Variants in TAFA5 observed in about 807,000 individuals in gnomAD.
TAFA5 encodes the protein chemokine-like protein TAFA-5.
Under a neutral mutation model 15.3 loss-of-function variants are expected in TAFA5, and 6 were observed. The observed-to-expected ratio is 0.39, with a 90% CI of 0.21 to 0.77. The LOEUF (loss-of-function observed/expected upper bound fraction) is 0.77. Ranked by LOEUF, TAFA5 falls within the 30% of genes least tolerant of loss-of-function variation. The pLI is 0.41. For synonymous variants in TAFA5, 103 were observed against 80.7 expected (o/e 1.28, Z -1.48); for missense variants, 161 against 193.1 (o/e 0.83, Z 0.98).
At chr22:48,716,436 C>T (rs576548843) in intron 3 of TAFA5, among the ~76,000 whole-genome samples, 39 of 152,318 alleles carry the variant, frequency 2.6e-4, no homozygotes, top group African/African-American at 8.7e-4. Context: ...CCGAACACCA[C>T]GTGTTCTCAC....
At position 48,608,311 on chromosome 22, in the gene TAFA5, C is replaced by T. The variant is rs185885818; in HGVS notation, c.113-38286C>T. 2.2e-4 allele frequency among the ~76,000 whole-genome samples: 33 copies of T among 152,358 alleles called. No homozygotes were observed. In the East Asian group the frequency reaches 5.2e-3, roughly 24 times the overall value. ...GCTATCCAGCACCGTAGCCATCAGC[C>T]ATATTCACGATACCTCCTTCCAGTC... On this transcript the variant is annotated intron_variant, in intron 1 of 3. Transcript: ENST00000402357.
At chr22:48,562,373 C>T (rs536156713) in intron 1 of TAFA5, among the ~76,000 whole-genome samples, 9 of 152,172 alleles carry the variant, frequency 5.9e-5, no homozygotes, top group African/African-American at 1.2e-4. Context: ...CTCCTGACCT[C>T]GCGATCTGCC....
chr22:48,604,864 T>C (rs1023302953), intron 1 of TAFA5, among the ~76,000 whole-genome samples: 1 of 152,078 alleles, frequency 6.6e-6, no homozygotes, highest in African/African-American at 2.4e-5. Context: ...TCTGGGCTTG[T>C]TGCAGAGTGC....
rs17713079 is a variant in TAFA5 at position 48,560,043 on chromosome 22, G to A, written c.112+70339G>A. On this transcript the variant is annotated intron_variant, in intron 1 of 3. Transcript: ENST00000402357. The surrounding 1 kb of genome is among the most constrained non-coding windows in gnomAD (Gnocchi z 4.2). ...TGCAGGGTCTTCTTTCTATGCACAC[G>A]CCGGCCATCCTCCATCAGGCAGCTG... is the stretch of plus-strand genomic sequence containing the variant. 0.086 allele frequency among the ~76,000 whole-genome samples: 13,027 copies of A among 152,222 alleles called. 584 individuals are homozygous for A. The highest frequency in any genetic ancestry group is 0.15 in the Middle Eastern group (43 of 292).
rs1928115622 is a variant in TAFA5, at chr22:48,490,597, TG to T, written c.112+898del. On this transcript the variant is annotated intron_variant, in intron 1 of 3. Coordinates refer to ENST00000402357, the MANE Select transcript of TAFA5 (RefSeq NM_001082967.3). This position sits in a 1 kb window ranked among gnomAD's most constrained non-coding sequence, Gnocchi z 5.8. ...GCACGTTCGCGGCTGGTGGGGTAAG[TG>T]GGGGCCGCTCAGCGTCCCGGGCACA... Among the ~76,000 whole-genome samples the T allele has an allele frequency of 6.7e-6, 1 of 150,216 alleles. No individual in the cohort carries two copies. Among genetic ancestry groups the T allele is most frequent in the Admixed American group, 6.6e-5 (1 of 15,130 alleles).
Position 48,744,742 on chromosome 22 carries a change from G to A in TAFA5, c.391-5097G>A, listed in dbSNP as rs140655553. On this transcript the variant is annotated intron_variant, in intron 3 of 3. Coordinates refer to ENST00000402357, the MANE Select transcript of TAFA5 (RefSeq NM_001082967.3). ...CTTCCGCAGCCCTGGGAGGCAGGGG[G>A]CGGGTTCCTTTTTTTCTTTTCTTTA... 3.3e-3 allele frequency among the ~76,000 whole-genome samples: 495 copies of A among 152,302 alleles called. 1 individual carries two copies. The highest frequency in any genetic ancestry group is 0.011 in the African/African-American group (473 of 41,572).
intron 1 of TAFA5, among the ~76,000 whole-genome samples, chr22:48,611,779 A>C (rs1490696115): frequency 2.0e-5 from 3 of 152,020 alleles, no homozygotes; most frequent in African/African-American, 7.3e-5. Flanking sequence ...AAGCATGTGC[A>C]ACACCTCCCT....
chr22:48,702,180 G>T (rs1161510436), intron 2 of TAFA5, among the ~76,000 whole-genome samples: 1 of 152,124 alleles, frequency 6.6e-6, no homozygotes, highest in Non-Finnish European at 1.5e-5. Flanking sequence ...GCTGAGTGTG[G>T]TATGTATGTG....
At chr22:48,671,003 G>A (rs1927786184) in intron 2 of TAFA5, among the ~76,000 whole-genome samples, 1 of 152,202 alleles carries the variant, frequency 6.6e-6, no homozygotes, top group Admixed American at 6.5e-5. Context: ...AGAGGGAAGC[G>A]TCACCCACAG....
chr22:48,534,391 C>T (rs542161393), intron 1 of TAFA5, among the ~76,000 whole-genome samples: 14 of 152,150 alleles, frequency 9.2e-5, no homozygotes, highest in Non-Finnish European at 1.0e-4. Flanking sequence ...GGCGTTCCTC[C>T]GGGGGTCTGC....
At chr22:48,716,250 A>G (rs764426207) in intron 3 of TAFA5, among the ~76,000 whole-genome samples, 4 of 152,220 alleles carry the variant, frequency 2.6e-5, no homozygotes, top group Non-Finnish European at 4.4e-5. Flanking sequence ...TTACAATAGC[A>G]AAGATGTGGA....
chr22:48,504,758 T>C (rs1469269077), intron 1 of TAFA5, among the ~76,000 whole-genome samples: 1 of 152,284 alleles, frequency 6.6e-6, no homozygotes, highest in African/African-American at 2.4e-5. Context: ...TCAGAGCAAG[T>C]GGCTTTTCCT....
At chr22:48,577,635 C>G (rs1034161918) in intron 1 of TAFA5, among the ~76,000 whole-genome samples, 5 of 152,228 alleles carry the variant, frequency 3.3e-5, no homozygotes, top group African/African-American at 1.2e-4. Flanking sequence ...GCTTTCCTGA[C>G]TAATTAATGA....
intron 1 of TAFA5, among the ~76,000 whole-genome samples, chr22:48,608,689 C>T (rs574318509): frequency 6.6e-6 from 1 of 152,180 alleles, no homozygotes; most frequent in Non-Finnish European, 1.5e-5. Context: ...CTGTGCGTGC[C>T]AGATGTTGGT....
chr22:48,638,682 C>T (rs1426270202), intron 1 of TAFA5, among the ~76,000 whole-genome samples: 2 of 142,632 alleles, frequency 1.4e-5, no homozygotes, highest in Admixed American at 6.9e-5. Flanking sequence ...GGCAATACCA[C>T]CCCCCTGGAC....
intron 1 of TAFA5, among the ~76,000 whole-genome samples, chr22:48,501,296 T>C (rs1920950414): frequency 6.6e-6 from 1 of 152,246 alleles, no homozygotes; most frequent in South Asian, 2.1e-4. Flanking sequence ...GCCTTCAGTG[T>C]GCCCAGGCCT....
chr22:48,612,076 C>T (rs895985164), intron 1 of TAFA5, among the ~76,000 whole-genome samples: 5 of 152,180 alleles, frequency 3.3e-5, no homozygotes, highest in Non-Finnish European at 5.9e-5. Flanking sequence ...CAGCACAGGG[C>T]GCTGTGCCTG....
At chr22:48,594,340 T>C (rs1924683436) in intron 1 of TAFA5, among the ~76,000 whole-genome samples, 2 of 152,084 alleles carry the variant, frequency 1.3e-5, no homozygotes, top group African/African-American at 2.4e-5. Context: ...CGTTCTGGGG[T>C]GCACGCATGT....
intron 1 of TAFA5, among the ~76,000 whole-genome samples, chr22:48,615,885 C>G (rs1397498572): frequency 1.3e-5 from 2 of 152,210 alleles, no homozygotes; most frequent in African/African-American, 4.8e-5. Context: ...AGGCCTTGCC[C>G]CTCCAATGGC....
Sources: gnomAD v4.1 joint callset for allele counts (sites outside exome capture counted in the v4.1 genomes callset) on GRCh38, gnomAD v4.1.1 for gene constraint, Gnocchi (gnomAD v3.1) non-coding constraint, MANE v1.5 for transcripts, NCBI Gene and HGNC (gene_info 2026-07-23, HGNC 2026-07-21) for gene names.